The following VTI1A variants were observed in gnomAD, a reference collection of about 807,000 sequenced individuals.
VTI1A encodes the protein vesicle transport through interaction with t-SNAREs homolog 1A.
Under a neutral mutation model 34.9 loss-of-function variants are expected in VTI1A, and 22 were observed. The ratio of observed to expected loss-of-function variants is 0.63; its 90% CI spans 0.45 to 0.90. The LOEUF (loss-of-function observed/expected upper bound fraction) is 0.90. Ranked by LOEUF, VTI1A falls within the 40% of genes least tolerant of loss-of-function variation. The pLI is 0.00. For missense variants in VTI1A, 268 were observed against 275.6 expected (o/e 0.97, Z 0.20); for synonymous variants, 87 against 97.3 (o/e 0.89, Z 0.62).
At chr10:112,799,020 C>T (rs941826) in intron 7 of VTI1A, among the ~76,000 whole-genome samples, 31,586 of 152,124 alleles carry the variant, frequency 0.21, 3,787 homozygotes, top group Non-Finnish European at 0.27. Context: ...CCATGAGGCG[C>T]GCACAGGCTG....
At chr10:112,812,721 C>T (rs1392548927) in intron 7 of VTI1A, among the ~76,000 whole-genome samples, 1 of 152,176 alleles carries the variant, frequency 6.6e-6, no homozygotes, top group Non-Finnish European at 1.5e-5. Flanking sequence ...TCTACTCTTC[C>T]TCCCAAATGT....
rs151113619 is a variant in VTI1A, at chr10:112,763,192, G to C, written c.561-52098G>C. 5.2e-3 allele frequency among the ~76,000 whole-genome samples: 788 copies of C among 152,252 alleles called. 7 individuals are homozygous for C. Among genetic ancestry groups the C allele is most frequent in the African/African-American group, 0.018 (738 of 41,544 alleles). On this transcript the variant is annotated intron_variant, in intron 7 of 7. Coordinates refer to ENST00000393077, the MANE Select transcript of VTI1A (RefSeq NM_145206.4). The stretch of plus-strand genomic sequence containing the variant: ...GTAATCCCAAAGGCCTGTAATCCCA[G>C]CACTTTGGGAGGTCGAGGCGGGCGG...
At chr10:112,683,864 G>A (rs926033088) in intron 7 of VTI1A, among the ~76,000 whole-genome samples, 41 of 152,268 alleles carry the variant, frequency 2.7e-4, no homozygotes, top group African/African-American at 9.4e-4. Context: ...CCAACATGGC[G>A]AAACCCTGCC....
intron 5 of VTI1A, among the ~76,000 whole-genome samples, chr10:112,620,950 G>C (rs1350657885): frequency 6.6e-6 from 1 of 152,154 alleles, no homozygotes; most frequent in Non-Finnish European, 1.5e-5. Context: ...GGGACTATTG[G>C]CAGAGCCTTT....
At chr10:112,601,426 CT>C (rs113977630) in intron 5 of VTI1A, among the ~76,000 whole-genome samples, 193 of 148,254 alleles carry the variant, frequency 1.3e-3, no homozygotes, top group African/African-American at 3.3e-3. Context: ...CAATTATTTA[CT>C]TTTTTTTTTT....
At chr10:112,715,607 G>A (rs559971056) in intron 7 of VTI1A, among the ~76,000 whole-genome samples, 3 of 152,170 alleles carry the variant, frequency 2.0e-5, no homozygotes, top group Admixed American at 1.3e-4. Flanking sequence ...TTTATCTCAC[G>A]CTTTTCATCA....
intron 7 of VTI1A, among the ~76,000 whole-genome samples, chr10:112,744,250 C>G (rs1245793596): frequency 2.6e-5 from 4 of 152,126 alleles, no homozygotes; most frequent in Non-Finnish European, 5.9e-5. Flanking sequence ...ATTAGCTTCC[C>G]TGCCTTAATT....
chr10:112,665,619 C>A (rs962475996), intron 5 of VTI1A, among the ~76,000 whole-genome samples: 3 of 152,148 alleles, frequency 2.0e-5, no homozygotes, highest in African/African-American at 7.2e-5. Flanking sequence ...CAAATCTTTA[C>A]TTCCTGTTTG....
At chr10:112,610,666 C>T (rs765515583) in intron 5 of VTI1A, among the ~76,000 whole-genome samples, 1 of 152,178 alleles carries the variant, frequency 6.6e-6, no homozygotes, top group Non-Finnish European at 1.5e-5. Flanking sequence ...CCTGTAATCC[C>T]AGCACTTTGG....
chr10:112,772,615 A>T (rs1851845137), intron 7 of VTI1A, among the ~76,000 whole-genome samples: 1 of 152,218 alleles, frequency 6.6e-6, no homozygotes, highest in Admixed American at 6.5e-5. Flanking sequence ...TATTGTTAAA[A>T]CCCACACCAC....
intron 5 of VTI1A, among the ~76,000 whole-genome samples, chr10:112,612,448 T>C (rs1367805607): frequency 6.6e-6 from 1 of 152,218 alleles, no homozygotes; most frequent in Non-Finnish European, 1.5e-5. Context: ...AGGGTCTTGC[T>C]CACTCTGTCA....
At chr10:112,474,572 TA>T (rs1848216707) in intron 3 of VTI1A, among the ~76,000 whole-genome samples, 1 of 151,848 alleles carries the variant, frequency 6.6e-6, no homozygotes, top group Admixed American at 6.6e-5. Context: ...CTTCTCACCT[TA>T]TCCTCCAGAG....
intron 5 of VTI1A, among the ~76,000 whole-genome samples, chr10:112,577,624 A>C (rs549359493): frequency 6.6e-6 from 1 of 152,232 alleles, no homozygotes; most frequent in Non-Finnish European, 1.5e-5. Context: ...GTTGTGTTCA[A>C]TAGCTTCTAA....
intron 7 of VTI1A, among the ~76,000 whole-genome samples, chr10:112,799,679 C>G (rs185746264): frequency 8.1e-4 from 124 of 152,264 alleles, no homozygotes; most frequent in African/African-American, 2.8e-3. Flanking sequence ...TTACCCCACC[C>G]CACCCTCCTC....
intron 7 of VTI1A, among the ~76,000 whole-genome samples, chr10:112,762,425 T>G (rs1211900314): frequency 6.6e-6 from 1 of 152,216 alleles, no homozygotes; most frequent in East Asian, 1.9e-4. Flanking sequence ...CGAATTGGAA[T>G]AGAAGCCGTA....
At chr10:112,629,255 T>G (rs1381601436) in intron 5 of VTI1A, among the ~76,000 whole-genome samples, 1 of 152,264 alleles carries the variant, frequency 6.6e-6, no homozygotes, top group East Asian at 1.9e-4. Context: ...ACATTCCTCC[T>G]TAGGGACAGG....
intron 7 of VTI1A, among the ~76,000 whole-genome samples, chr10:112,786,631 G>A (rs548493495): frequency 5.3e-5 from 8 of 152,200 alleles, no homozygotes; most frequent in African/African-American, 1.9e-4. Context: ...CAAGTTTGTC[G>A]AGAGTTTCTA....
intron 5 of VTI1A, among the ~76,000 whole-genome samples, chr10:112,660,898 C>T (rs976754822): frequency 6.6e-6 from 1 of 152,170 alleles, no homozygotes; most frequent in Non-Finnish European, 1.5e-5. Flanking sequence ...ATACATTTCA[C>T]TTCTGCATGT....
At chr10:112,630,850 G>A (rs550906594) in intron 5 of VTI1A, among the ~76,000 whole-genome samples, 27 of 152,274 alleles carry the variant, frequency 1.8e-4, no homozygotes, top group African/African-American at 4.3e-4. Context: ...AGCCAAGTGC[G>A]GTGGCTCATG....
Sources: gnomAD v4.1 joint callset for allele counts (sites outside exome capture counted in the v4.1 genomes callset) on GRCh38, gnomAD v4.1.1 for gene constraint, MANE v1.5 for transcripts, NCBI Gene and HGNC (gene_info 2026-07-23, HGNC 2026-07-21) for gene names.